Variants in TF observed in about 807,000 individuals in gnomAD.
TF encodes transferrin.
In TF, 55 loss-of-function variants were observed where a neutral mutation model predicts 82.4. The observed-to-expected ratio is 0.67, with a 90% CI of 0.54 to 0.84. The LOEUF (loss-of-function observed/expected upper bound fraction) is 0.84. TF is among the 40% of genes least tolerant of loss of function. The pLI is 0.00. For missense variants in TF, 737 were observed against 868.4 expected (o/e 0.85, Z 1.90); for synonymous variants, 332 against 332.6 (o/e 1.00, Z 0.02).
chr3:133,767,711 C>A (rs1471957615), intron 12 of TF, among the ~76,000 whole-genome samples: 1 of 152,222 alleles, frequency 6.6e-6, no homozygotes, highest in Admixed American at 6.5e-5. Flanking sequence ...GGAAGCAAGA[C>A]CTTCAGTCTT....
At chr3:133,674,771 G>C in the TF span, among the ~76,000 whole-genome samples, 1 of 152,174 alleles carries the variant, frequency 6.6e-6, no homozygotes, top group South Asian at 2.1e-4. Flanking sequence ...GCGGGCCTGC[G>C]GGGCTGCGAT....
At chr3:133,775,220 ATGGTCAATAATCATTCC>A in intron 14 of TF, 196 bp from the exon 15 acceptor site, 1 of 611,408 alleles carries the variant, frequency 1.6e-6, no homozygotes, top group South Asian at 1.9e-5. Flanking sequence ...TTGGAAGGGG[ATGGTCAATAATCATTCC>A]TGGTCACTGT....
In TF at chr3:133,786,446, A is replaced by G. The variant is rs949416928; in HGVS notation, c.*7826A>G. On this transcript the variant is annotated 3_prime_UTR_variant, in exon 17 of 17. Coordinates refer to ENST00000402696, the MANE Select transcript of TF (RefSeq NM_001063.4). The stretch of plus-strand genomic sequence containing the variant: ...GTTCAGGGGAGGAGAGAGGAAAGGA[A>G]GTGTAAGAGCTCTATGCCAATGTGC... The G allele has an allele frequency of 6.6e-6, 1 of 152,144 alleles. No homozygotes were observed. Among genetic ancestry groups the G allele is most frequent in the African/African-American group, 2.4e-5 (1 of 41,414 alleles). The allele number at this position is 152,144 out of a possible 1,614,324, so 9.4% of individuals were successfully genotyped here.
At chr3:133,744,273 G>C (rs912525055), upstream of TF, among the ~76,000 whole-genome samples, 1 of 152,210 alleles carries the variant, frequency 6.6e-6, no homozygotes, top group African/African-American at 2.4e-5. Context: ...ATGGGCTCCA[G>C]AAAAGGAGAA....
chr3:133,685,233 C>G, the TF span, among the ~76,000 whole-genome samples: 1 of 152,104 alleles, frequency 6.6e-6, no homozygotes, highest in Non-Finnish European at 1.5e-5. Flanking sequence ...TGTGACAAAC[C>G]CACAGCCAAT....
the TF span, among the ~76,000 whole-genome samples, chr3:133,678,143 GA>G: frequency 6.6e-6 from 1 of 152,150 alleles, no homozygotes; most frequent in Admixed American, 6.5e-5. Flanking sequence ...ATTTTGCTGA[GA>G]ATGATGGTTT....
the TF span, among the ~76,000 whole-genome samples, chr3:133,697,129 T>C: frequency 6.6e-6 from 1 of 152,234 alleles, no homozygotes; most frequent in Non-Finnish European, 1.5e-5. Context: ...CAATTCACTG[T>C]CTCCTCATTA....
the TF span, chr3:133,688,285 A>T: frequency 6.5e-6 from 1 of 152,914 alleles, no homozygotes; most frequent in African/African-American, 2.4e-5. Flanking sequence ...GACAATATGA[A>T]AAAAGTGTTT....
the TF span, among the ~76,000 whole-genome samples, chr3:133,721,026 CT>C: frequency 6.6e-6 from 1 of 151,808 alleles, no homozygotes; most frequent in Non-Finnish European, 1.5e-5. Flanking sequence ...TTTGGTTTAC[CT>C]TTTCAAAAAA....
chr3:133,716,549 C>T, the TF span, among the ~76,000 whole-genome samples: 1 of 152,136 alleles, frequency 6.6e-6, no homozygotes, highest in Non-Finnish European at 1.5e-5. Context: ...TCTCTCTGCC[C>T]ATCTCCACTG....
the TF span, among the ~76,000 whole-genome samples, chr3:133,721,410 T>A: frequency 6.6e-6 from 1 of 152,224 alleles, no homozygotes. Flanking sequence ...TTTTTCTTAC[T>A]GTTGATTTTT....
At chr3:133,722,478 ATTCT>A in the TF span, among the ~76,000 whole-genome samples, 1 of 151,838 alleles carries the variant, frequency 6.6e-6, no homozygotes, top group African/African-American at 2.4e-5. Context: ...AGTTTGGTAG[ATTCT>A]TTGTTTCTTT....
chr3:133,777,027 G>A (rs200913583), intron 15 of TF, 22 bp from the exon 16 acceptor site: 92 of 1,613,008 alleles, frequency 5.7e-5, no homozygotes, highest in Middle Eastern at 4.9e-4. Context: ...AGGTCCTCAC[G>A]GACTTTCTGT....
chr3:133,780,157 G>T lies in TF; in HGVS notation c.*1537G>T, dbSNP rs1934486727. ...GAAAATAGGACTCTGGGTCCACTTT[G>T]CAGTCCAGACCTGATATGGACCGTT... On this transcript the variant is annotated 3_prime_UTR_variant, in exon 17 of 17. Transcript: ENST00000402696. 6.6e-6 allele frequency: 1 copy of T among 152,144 alleles called. No homozygotes were observed. Among genetic ancestry groups the T allele is most frequent in the African/African-American group, 2.4e-5 (1 of 41,414 alleles). 9.4% of individuals were successfully genotyped at this position (152,144 alleles called of 1,614,324 possible).
At chr3:133,693,347 A>AT in the TF span, among the ~76,000 whole-genome samples, 20 of 152,232 alleles carry the variant, frequency 1.3e-4, no homozygotes, top group African/African-American at 4.1e-4. Context: ...TGGCACTAGG[A>AT]TTTTTTGTGT....
At chr3:133,698,451 T>A in the TF span, among the ~76,000 whole-genome samples, 1 of 152,208 alleles carries the variant, frequency 6.6e-6, no homozygotes, top group African/African-American at 2.4e-5. Context: ...AATTCCAAGA[T>A]CATGATGTTG....
At chr3:133,689,522 A>G in the TF span, among the ~76,000 whole-genome samples, 12 of 152,292 alleles carry the variant, frequency 7.9e-5, no homozygotes, top group African/African-American at 2.9e-4. Context: ...TTTTTAAAAG[A>G]ATCAATAAAA....
At chr3:133,691,058 G>A in the TF span, among the ~76,000 whole-genome samples, 4 of 152,094 alleles carry the variant, frequency 2.6e-5, no homozygotes, top group African/African-American at 9.7e-5. Context: ...AAGAAAAAGT[G>A]GGATGGAGGA....
At chr3:133,696,149 G>A in the TF span, among the ~76,000 whole-genome samples, 1 of 152,074 alleles carries the variant, frequency 6.6e-6, no homozygotes, top group Non-Finnish European at 1.5e-5. Flanking sequence ...TTTTGGCTGG[G>A]CAGAGTGACT....
Sources: allele counts gnomAD v4.1 joint callset (sites outside exome capture counted in the v4.1 genomes callset), GRCh38; gene constraint gnomAD v4.1.1; transcripts MANE v1.5; gene names NCBI Gene and HGNC (gene_info 2026-07-23, HGNC 2026-07-21).